Variants in RNF25 observed in about 807,000 individuals in gnomAD.
RNF25 encodes ring finger protein 25, also known as E3 ubiquitin-protein ligase RNF25.
A neutral mutation model predicts 65.0 loss-of-function variants in RNF25; 32 were observed. The observed-to-expected ratio is 0.49, with a 90% CI of 0.37 to 0.66. RNF25 has a LOEUF of 0.66. Ranked by LOEUF, RNF25 falls within the 30% of genes least tolerant of loss-of-function variation. The probability of loss-of-function intolerance (pLI) is 0.00; values close to 1 mark genes in which losing one functional copy is unlikely to be tolerated. For synonymous variants in RNF25, 207 were observed against 221.2 expected (o/e 0.94, Z 0.57); for missense variants, 493 against 584.8 (o/e 0.84, Z 1.62).
intron 1 of RNF25, 104 bp from the exon 2 acceptor site, chr2:218,668,783 A>T: frequency 2.5e-6 from 2 of 798,282 alleles, no homozygotes; most frequent in Non-Finnish European, 4.4e-6. Context: ...ATCTACCAGA[A>T]TGCATTCTCC....
chr2:218,665,081 C>T, intron 8 of RNF25, 74 bp downstream of exon 8: 1 of 1,508,408 alleles, frequency 6.6e-7, no homozygotes, highest in Non-Finnish European at 9.2e-7. Context: ...CCATTTGACA[C>T]AGACAAGATG....
rs940261510 is a variant in RNF25 at position 218,669,528 on chromosome 2, G to C, written c.42-849C>G. Among the ~76,000 whole-genome samples the C allele has an allele frequency of 4.6e-5, 7 of 152,340 alleles. No individual in the cohort carries two copies. In the East Asian group the frequency reaches 1.2e-3, roughly 25 times the overall value. ...CTCTGGATGTATTTATGACCTGGCT[G>C]TCTGGTTGATCTAGATCAGCCTGTT... On this transcript the variant is annotated intron_variant, in intron 1 of 9. Transcript: ENST00000295704.
chr2:218,667,717 G>A (rs1462549725), intron 5 of RNF25, among the ~76,000 whole-genome samples, 195 bp downstream of exon 5: 2 of 152,184 alleles, frequency 1.3e-5, no homozygotes, highest in Admixed American at 1.3e-4. Flanking sequence ...GCTGGCATAG[G>A]CAACTTGGAG....
chr2:218,665,783 T>A (rs1575113958), intron 7 of RNF25, 133 bp downstream of exon 7: 1 of 1,154,342 alleles, frequency 8.7e-7, no homozygotes. Flanking sequence ...TGGACAGAGG[T>A]AAGAGTTCAT....
chr2:218,669,299 T>C (rs538668332), intron 1 of RNF25, among the ~76,000 whole-genome samples: 2 of 152,334 alleles, frequency 1.3e-5, no homozygotes, highest in East Asian at 3.9e-4. Context: ...GTGACCTCTC[T>C]GTAAGCTTAA....
At chr2:218,668,703 C>T in intron 1 of RNF25, 24 bp from the exon 2 acceptor site, 1 of 1,513,922 alleles carries the variant, frequency 6.6e-7, no homozygotes, top group Non-Finnish European at 9.2e-7. Flanking sequence ...AGTAGACTAA[C>T]TTACCATTAC....
In RNF25 at chr2:218,664,233, G is replaced by A. The variant is rs776218716; in HGVS notation, c.1104C>T (p.Asp368=). The change falls in exon 10 of 10, where the codon GAC becomes GAT. Residue 368 remains aspartate (D), a synonymous_variant. Transcript: ENST00000295704. The surrounding 1 kb of genome is among the most constrained non-coding windows in gnomAD (Gnocchi z 5.1). The part of the protein sequence containing the change: ...GECHAPKGTR[D]TQELPPPEGP... Reference sequence around the variant, plus strand: ...CCTCAGGAGGTGGCAGTTCCTGGGTGTCACGGGTACCTTTAGGGGCGTGGC... The same window carrying A: ...CCTCAGGAGGTGGCAGTTCCTGGGTATCACGGGTACCTTTAGGGGCGTGGC... 14 of 1,599,566 alleles carry A rather than the reference G, an allele frequency of 8.8e-6. No homozygotes were observed. Among genetic ancestry groups the A allele is most frequent in the Non-Finnish European group, 1.1e-5 (13 of 1,173,094 alleles).
chr2:218,668,777 A>G, intron 1 of RNF25, 98 bp from the exon 2 acceptor site: 1 of 819,530 alleles, frequency 1.2e-6, no homozygotes, highest in Non-Finnish European at 2.1e-6. Context: ...ATGGCAATCT[A>G]CCAGAATGCA....
Position 218,668,255 on chromosome 2 carries a change from A to C in RNF25, c.203T>G (p.Leu68Arg). The C allele has an allele frequency of 6.2e-7, 1 of 1,614,146 alleles. No individual in the cohort carries two copies. The highest frequency in any genetic ancestry group is 1.1e-5 in the South Asian group (1 of 91,082). The change falls in exon 3 of 10, where the codon CTT becomes CGT. Residue 68 changes from leucine to arginine, a missense_variant. This residue lies in a region of RNF25 where 108 missense variants were observed against 166.0 expected (regional missense o/e 0.65). Transcript: ENST00000295704. ...GGGCTTCACCTCTGCTGGGACCTGA[A>C]GCACCAGAGTGAAGCAGACATACTG... is the stretch of plus-strand genomic sequence containing the variant. ...DSQYVCFTLV[L>R]QVPAEYPHEV...
intron 7 of RNF25, 34 bp downstream of exon 7, chr2:218,665,882 T>C (rs772852469): frequency 1.3e-6 from 2 of 1,596,490 alleles, no homozygotes; most frequent in Non-Finnish European, 1.7e-6. Flanking sequence ...TGCCTAAGGG[T>C]GTCAGATGAG....
chr2:218,666,246 A>C lies in RNF25; in HGVS notation c.358-16T>G, dbSNP rs777529699. On this transcript the variant is annotated splice_polypyrimidine_tract_variant and intron_variant, in intron 5 of 9. Transcript: ENST00000295704. ...CCTTCCCTTTCTGAGGAGAGAAGACACTGATTAAACGGGGGTAGGGGGAAG... is the reference window on the plus strand; with the variant it reads ...CCTTCCCTTTCTGAGGAGAGAAGACCCTGATTAAACGGGGGTAGGGGGAAG... 6.2e-7 allele frequency: 1 copy of C among 1,603,898 alleles called. No individual in the cohort carries two copies. The highest frequency in any genetic ancestry group is 1.1e-5 in the South Asian group (1 of 90,488).
intron 1 of RNF25, 110 bp downstream of exon 1, chr2:218,671,820 C>T (rs978914478): frequency 9.9e-6 from 12 of 1,208,880 alleles, no homozygotes; most frequent in African/African-American, 4.6e-5. Flanking sequence ...TCTGCCATCC[C>T]TCATCCCTCG....
chr2:218,668,778 C>T (rs1415152811), intron 1 of RNF25, 99 bp from the exon 2 acceptor site: 9 of 819,942 alleles, frequency 1.1e-5, no homozygotes, highest in Non-Finnish European at 1.9e-5. Context: ...TGGCAATCTA[C>T]CAGAATGCAT....
rs553282573 is a variant in RNF25, at chr2:218,664,850, C to G, written c.690G>C (p.Glu230Asp). ...QPMELYQPSA[E>D]SLRQQEERKR... The stretch of plus-strand genomic sequence containing the variant: ...TGCGTTCTTCTTGCTGGCGCAAGCT[C>G]TCTGCACTGGGCTGGTACAGCTCCT... The change falls in exon 9 of 10, where the codon GAG becomes GAC. Residue 230 changes from glutamate to aspartate, a missense_variant. Around this residue, in one of 3 missense-constraint regions of RNF25, gnomAD observed 351 missense variants for 400.2 expected, o/e 0.88. Transcript: ENST00000295704. This position sits in a 1 kb window ranked among gnomAD's most constrained non-coding sequence, Gnocchi z 5.1. 6.8e-6 allele frequency: 11 copies of G among 1,614,262 alleles called. 1 individual carries two copies. In the South Asian group the frequency reaches 1.1e-4, roughly 16 times the overall value.
At position 218,665,235 on chromosome 2, in the gene RNF25, C is replaced by T; in HGVS notation, c.586G>A (p.Val196Met). ...HATTKQKAVG[V>M]QCPVCREPLV... is the part of the protein sequence containing the mutation. Reference sequence around the variant, plus strand: ...GGCTCTCTGCACACTGGACACTGCACACCGACTGCCTTCTAAAAAAGAGAA... The same window carrying T: ...GGCTCTCTGCACACTGGACACTGCATACCGACTGCCTTCTAAAAAAGAGAA... Residue 196 changes from valine (V) to methionine (M), a missense_variant, in exon 8 of 10, where the codon GTG becomes ATG. Physicochemically the swap from Val to Met is conservative, Grantham distance 21 (BLOSUM62 1). This residue lies in a region of RNF25 where 351 missense variants were observed against 400.2 expected (regional missense o/e 0.88). Transcript: ENST00000295704. The T allele has an allele frequency of 1.9e-6, 3 of 1,613,272 alleles. No homozygotes were observed. Among genetic ancestry groups the T allele is most frequent in the Non-Finnish European group, 2.5e-6 (3 of 1,179,630 alleles).
At chr2:218,668,191 A>G (rs753508264) in intron 3 of RNF25, 45 bp from the exon 4 acceptor site, 1 of 1,612,856 alleles carries the variant, frequency 6.2e-7, no homozygotes, top group Non-Finnish European at 8.5e-7. Flanking sequence ...GGTCCACCCC[A>G]GGGACTCTCC....
chr2:218,664,778 A>G lies in RNF25; in HGVS notation c.762T>C (p.Leu254=), dbSNP rs1012348071. 1 of 1,614,106 alleles carries G rather than the reference A, an allele frequency of 6.2e-7. No homozygotes were observed. Among genetic ancestry groups the G allele is most frequent in the African/African-American group, 1.3e-5 (1 of 74,934 alleles). The change falls in exon 9 of 10, where the codon CTT becomes CTC. Residue 254 remains leucine, a synonymous_variant. Coordinates refer to ENST00000295704, the MANE Select transcript of RNF25 (RefSeq NM_022453.3). The surrounding 1 kb of genome is among the most constrained non-coding windows in gnomAD (Gnocchi z 5.1). Reference sequence around the variant, plus strand: ...TGAAGTATCGGTTTCGCTCAGCCTCAAGGTCAATGATTCCCCCCCGCTCCT... The same window carrying G: ...TGAAGTATCGGTTTCGCTCAGCCTCGAGGTCAATGATTCCCCCCCGCTCCT... The part of the protein sequence containing the change: ...RQQERGGIID[L]EAERNRYFIS...
chr2:218,664,322 G>GA lies in RNF25; in HGVS notation c.1014dup (p.Pro339SerfsTer26). The GA allele has an allele frequency of 6.2e-7, 1 of 1,614,150 alleles. No homozygotes were observed. The highest frequency in any genetic ancestry group is 8.5e-7 in the Non-Finnish European group (1 of 1,179,992). ...CAGGGACCTCGACTGGGCTTGGGGG[G>GA]ATCTAGCATAGCTTTCTGGGTTTCG... On this transcript the variant is annotated frameshift_variant, in exon 10 of 10. Transcript: ENST00000295704. LOFTEE classifies it high-confidence loss of function. This position sits in a 1 kb window ranked among gnomAD's most constrained non-coding sequence, Gnocchi z 5.1.
chr2:218,666,535 T>C (rs1939829238), intron 5 of RNF25, among the ~76,000 whole-genome samples: 2 of 152,318 alleles, frequency 1.3e-5, no homozygotes, highest in Middle Eastern at 6.8e-3. Context: ...AAAAAAAATG[T>C]TCAATTAAAA....
Sources: gnomAD v4.1 joint callset for allele counts (sites outside exome capture counted in the v4.1 genomes callset) on GRCh38, gnomAD v4.1.1 for gene constraint, gnomAD v4.1.1 regional missense constraint, Gnocchi (gnomAD v3.1) non-coding constraint, MANE v1.5 for transcripts, NCBI Gene and HGNC (gene_info 2026-07-23, HGNC 2026-07-21) for gene names.